ZW10: variants seen among roughly 807,000 people sequenced by gnomAD.
The protein encoded by ZW10 is centromere/kinetochore protein zw10 homolog.
A neutral mutation model predicts 87.8 loss-of-function variants in ZW10; 53 were observed. The ratio of observed to expected loss-of-function variants is 0.60; its 90% CI spans 0.48 to 0.76. The LOEUF is 0.76. Ranked by LOEUF, ZW10 falls within the 30% of genes least tolerant of loss-of-function variation. The pLI is 0.00. For missense variants in ZW10, 837 were observed against 923.0 expected (o/e 0.91, Z 1.21); for synonymous variants, 312 against 329.2 (o/e 0.95, Z 0.57).
chr11:113,738,524 A>G, intron 12 of ZW10, 130 bp from the exon 13 acceptor site: 1 of 850,028 alleles, frequency 1.2e-6, no homozygotes. Context: ...AGATAATATC[A>G]TAAAGCTGCC....
chr11:113,753,075 T>C (rs564967172), intron 7 of ZW10, among the ~76,000 whole-genome samples: 9 of 152,306 alleles, frequency 5.9e-5, no homozygotes, highest in Non-Finnish European at 8.8e-5. Flanking sequence ...GTTTGTTATA[T>C]AGGTAAACTT....
chr11:113,740,249 G>C (rs531125753), intron 11 of ZW10, among the ~76,000 whole-genome samples: 1 of 152,122 alleles, frequency 6.6e-6, no homozygotes, highest in Non-Finnish European at 1.5e-5. Context: ...CCTAGGAAGA[G>C]AGTAAATATG....
At chr11:113,761,842 G>C (rs565724496) in intron 2 of ZW10, among the ~76,000 whole-genome samples, 1 of 152,158 alleles carries the variant, frequency 6.6e-6, no homozygotes, top group Non-Finnish European at 1.5e-5. Context: ...CTCAGTAACT[G>C]TTTTATTTTT....
intron 14 of ZW10, 130 bp downstream of exon 14, chr11:113,737,442 G>GAA (rs3835162): frequency 3.5e-3 from 2,819 of 813,080 alleles, no homozygotes; most frequent in South Asian, 3.9e-3. Flanking sequence ...AAACAAAACT[G>GAA]AAAAAAAAAA....
chr11:113,767,243 T>A (rs536335586), intron 2 of ZW10, among the ~76,000 whole-genome samples: 46 of 152,222 alleles, frequency 3.0e-4, no homozygotes, highest in East Asian at 9.7e-4. Context: ...TTATTTATTT[T>A]TTTTTACAAC....
At chr11:113,747,428 C>T (rs775108438) in intron 9 of ZW10, 103 bp downstream of exon 9, 4 of 1,084,732 alleles carry the variant, frequency 3.7e-6, no homozygotes, top group Non-Finnish European at 5.2e-6. Context: ...CTTGACTCAG[C>T]TCAACAACCG....
At chr11:113,767,898 T>C (rs890483154) in intron 2 of ZW10, among the ~76,000 whole-genome samples, 1 of 152,214 alleles carries the variant, frequency 6.6e-6, no homozygotes, top group Non-Finnish European at 1.5e-5. Flanking sequence ...CTAAAACTTA[T>C]GGCTACTTAC....
At chr11:113,751,185 A>C (rs1953730543) in intron 7 of ZW10, 1 of 247,032 alleles carries the variant, frequency 4.0e-6, no homozygotes, top group African/African-American at 2.3e-5. Flanking sequence ...CATTGAGGCC[A>C]TATTTCCAGA....
intron 10 of ZW10, among the ~76,000 whole-genome samples, chr11:113,742,545 T>C (rs2134870550): frequency 6.6e-6 from 1 of 152,322 alleles, no homozygotes; most frequent in East Asian, 1.9e-4. Flanking sequence ...TGTTGCATTG[T>C]AGCTGTGGTT....
chr11:113,750,140 T>C (rs1266671529), intron 7 of ZW10, among the ~76,000 whole-genome samples: 2 of 152,108 alleles, frequency 1.3e-5, no homozygotes, highest in African/African-American at 4.8e-5. Context: ...ATACTATTGA[T>C]ACAGTCAAGT....
intron 2 of ZW10, among the ~76,000 whole-genome samples, chr11:113,762,738 G>A (rs974495775): frequency 5.3e-5 from 8 of 151,936 alleles, no homozygotes; most frequent in Non-Finnish European, 8.8e-5. Flanking sequence ...GGCTGGTCTC[G>A]AACTCCTGAC....
intron 11 of ZW10, among the ~76,000 whole-genome samples, chr11:113,741,105 TTAAA>T (rs1240679187): frequency 7.7e-6 from 1 of 130,158 alleles, no homozygotes; most frequent in African/African-American, 2.5e-5. Context: ...AAAAAATACT[TTAAA>T]TAGTAAACAG....
At chr11:113,772,096 G>T (rs940473753) in intron 1 of ZW10, among the ~76,000 whole-genome samples, 2 of 152,050 alleles carry the variant, frequency 1.3e-5, no homozygotes, top group African/African-American at 4.8e-5. Flanking sequence ...AAATGGGTTT[G>T]AAAAATACTA....
intron 7 of ZW10, 148 bp downstream of exon 7, chr11:113,757,514 G>A (rs1353406711): frequency 7.1e-6 from 4 of 563,248 alleles, no homozygotes; most frequent in South Asian, 5.8e-5. Context: ...AAACAAGAAG[G>A]CAACTCTTTT....
chr11:113,749,429 A>C (rs113244601), intron 7 of ZW10, among the ~76,000 whole-genome samples: 34 of 152,262 alleles, frequency 2.2e-4, no homozygotes, highest in Non-Finnish European at 3.8e-4. Context: ...GGGACAGCAC[A>C]AAGGAGCTTT....
intron 7 of ZW10, among the ~76,000 whole-genome samples, chr11:113,751,746 AC>A (rs1953736604): frequency 1.3e-5 from 2 of 152,014 alleles, no homozygotes; most frequent in African/African-American, 4.8e-5. Context: ...GGTGGCATGC[AC>A]CTGTAATCCC....
chr11:113,772,818 C>CAAAAAAA (rs58651654), intron 1 of ZW10, among the ~76,000 whole-genome samples: 1 of 93,568 alleles, frequency 1.1e-5, no homozygotes, highest in Admixed American at 1.1e-4. Flanking sequence ...ACTAAAAATA[C>CAAAAAAA]AAAAAAAAAA....
At chr11:113,770,753 G>C (rs1953955385) in intron 1 of ZW10, among the ~76,000 whole-genome samples, 1 of 150,574 alleles carries the variant, frequency 6.6e-6, no homozygotes, top group Non-Finnish European at 1.5e-5. Flanking sequence ...AGAAGGCAGA[G>C]ATTGCAGTGA....
At chr11:113,753,030 T>A (rs1953749593) in intron 7 of ZW10, among the ~76,000 whole-genome samples, 1 of 152,210 alleles carries the variant, frequency 6.6e-6, no homozygotes, top group Admixed American at 6.5e-5. Flanking sequence ...ACTTTTTTTT[T>A]AACTTTTATA....
Sources: gnomAD v4.1 joint callset for allele counts (sites outside exome capture counted in the v4.1 genomes callset) on GRCh38, gnomAD v4.1.1 for gene constraint, MANE v1.5 for transcripts, NCBI Gene and HGNC (gene_info 2026-07-23, HGNC 2026-07-21) for gene names.